Variants in NCOR2 observed in about 807,000 individuals in gnomAD.
NCOR2 encodes CTG repeat protein 26.
NCOR2 carries 81 observed loss-of-function variants against 262.9 expected under a neutral mutation model. The ratio of observed to expected loss-of-function variants is 0.31; its 90% CI spans 0.26 to 0.37. NCOR2 has a LOEUF of 0.37. NCOR2 is among the 10% of genes least tolerant of loss of function. The probability of loss-of-function intolerance (pLI) is 1.00; values close to 1 mark genes in which losing one functional copy is unlikely to be tolerated. For missense variants in NCOR2, 3,385 were observed against 3,621.4 expected (o/e 0.93, Z 1.68); for synonymous variants, 1,659 against 1,559.3 (o/e 1.06, Z -1.51).
intron 28 of NCOR2, 193 bp from the exon 31 acceptor site, chr12:124,348,507 AG>A (rs1385606380): frequency 1.4e-6 from 1 of 695,978 alleles, no homozygotes; most frequent in Admixed American, 3.5e-5. Context: ...AGCAGGACCC[AG>A]GAGCTTTTCC....
At chr12:124,428,086 T>TGTGTGTGTGTGTGTGTGTGTGTGTGCGC (rs958627720) in intron 10 of NCOR2, among the ~76,000 whole-genome samples, 31 of 147,166 alleles carry the variant, frequency 2.1e-4, no homozygotes, top group Non-Finnish European at 3.5e-4. Context: ...TGTGTGTGTG[T>TGTGTGTGTGTGTGTGTGTGTGTGTGCGC]GTACATGCAA....
chr12:124,392,289 C>T (rs2041360554), intron 16 of NCOR2, among the ~76,000 whole-genome samples: 1 of 152,152 alleles, frequency 6.6e-6, no homozygotes, highest in African/African-American at 2.4e-5. Context: ...TCTGGCTGTA[C>T]CCCAAGTTCC....
chr12:124,414,331 T>C (rs972595341), intron 13 of NCOR2, among the ~76,000 whole-genome samples: 7 of 152,156 alleles, frequency 4.6e-5, no homozygotes, highest in African/African-American at 1.4e-4. Context: ...ACTAGTGAGG[T>C]TGAAATCATC....
chr12:124,424,701 C>G (rs2043432041), intron 11 of NCOR2, among the ~76,000 whole-genome samples: 1 of 152,216 alleles, frequency 6.6e-6, no homozygotes, highest in African/African-American at 2.4e-5. Context: ...TGCCTGGCAC[C>G]TCTTTGGGGC....
chr12:124,486,358 C>T (rs2047766920), intron 2 of NCOR2, 83 bp downstream of exon 4: 2 of 1,567,770 alleles, frequency 1.3e-6, no homozygotes, highest in East Asian at 4.7e-5. Context: ...CCTGTGTGCT[C>T]CTGCTCTGCC....
At chr12:124,369,437 T>C (rs2039303809) in intron 20 of NCOR2, among the ~76,000 whole-genome samples, 2 of 151,914 alleles carry the variant, frequency 1.3e-5, no homozygotes, top group Non-Finnish European at 2.9e-5. Flanking sequence ...GGGATGATAC[T>C]GGGCGGGCAG....
chr12:124,330,520 C>T (rs1174628240), intron 44 of NCOR2, among the ~76,000 whole-genome samples: 4 of 152,252 alleles, frequency 2.6e-5, no homozygotes, highest in Admixed American at 6.5e-5. Flanking sequence ...CACCCCTCGT[C>T]CAGACATGTG....
intron 13 of NCOR2, among the ~76,000 whole-genome samples, chr12:124,419,334 C>T (rs1476249206): frequency 6.6e-6 from 1 of 152,168 alleles, no homozygotes. Context: ...AAGGACGCTG[C>T]CATGGTAATA....
At chr12:124,352,144 G>A (rs1235569341) in intron 27 of NCOR2, among the ~76,000 whole-genome samples, 2 of 152,202 alleles carry the variant, frequency 1.3e-5, no homozygotes, top group South Asian at 2.1e-4. Flanking sequence ...TGAGTCAGGT[G>A]ACAGCTCGGG....
chr12:124,351,211 C>T (rs1296670943), intron 27 of NCOR2, among the ~76,000 whole-genome samples: 4 of 152,160 alleles, frequency 2.6e-5, no homozygotes, highest in African/African-American at 9.7e-5. Flanking sequence ...CGGTAACTGG[C>T]GGGGACGCTG....
rs560364537 is a variant in NCOR2 at position 124,336,705 on chromosome 12, G to C, written c.6115+48C>G. 3 of 1,599,148 alleles carry C rather than the reference G, an allele frequency of 1.9e-6. No homozygotes were observed. The Admixed American group carries it at 5.2e-5, about 28-fold the overall frequency. On this transcript the variant is annotated intron_variant, in intron 38 of 46. Transcript: ENST00000405201. Reference sequence around the variant, plus strand: ...GCCCCTTTATCGTGAGCAATTTGACGCATGATAATCGCGTCTATGAAGGTG... The same window carrying C: ...GCCCCTTTATCGTGAGCAATTTGACCCATGATAATCGCGTCTATGAAGGTG...
intron 10 of NCOR2, among the ~76,000 whole-genome samples, chr12:124,428,254 C>A (rs1454106946): frequency 6.6e-6 from 1 of 152,238 alleles, no homozygotes; most frequent in Non-Finnish European, 1.5e-5. Context: ...TGACACGGCC[C>A]AGCTCCGGCG....
chr12:124,365,181 C>T (rs905078322), intron 20 of NCOR2, among the ~76,000 whole-genome samples: 16 of 152,294 alleles, frequency 1.1e-4, no homozygotes, highest in Non-Finnish European at 1.9e-4. Flanking sequence ...ACATGGCAGG[C>T]GTGAGGGCAG....
chr12:124,426,768 C>G (rs758167365), exon 11 of NCOR2: 11 of 1,589,516 alleles, frequency 6.9e-6, no homozygotes, highest in Non-Finnish European at 9.5e-6. Flanking sequence ...TGGGCGGGAT[C>G]ACGGCCAGCT....
In NCOR2 at chr12:124,346,861, G is replaced by A. The variant is rs74653335; in HGVS notation, c.4073-11C>T. 1.7e-3 allele frequency: 2,591 copies of A among 1,552,800 alleles called. 46 individuals are homozygous for A. The African/African-American group carries it at 0.031, about 19-fold the overall frequency. ...AGGACCGAGGGATCCCTGCCGGGCCGACAGCACTGACCCTCACGCCCCGCC... is the reference window on the plus strand; with the variant it reads ...AGGACCGAGGGATCCCTGCCGGGCCAACAGCACTGACCCTCACGCCCCGCC... On this transcript the variant is annotated splice_polypyrimidine_tract_variant and intron_variant, in intron 30 of 46. Transcript: ENST00000405201.
chr12:124,456,987 G>A (rs942804474), intron 6 of NCOR2, 119 bp downstream of exon 8: 54 of 739,632 alleles, frequency 7.3e-5, no homozygotes, highest in South Asian at 3.1e-4. Context: ...CGCGGACGCC[G>A]CCTGGGCAGC....
rs552781708 is a variant in NCOR2, at chr12:124,521,124, A to G, written c.-118+14441T>C. On this transcript the variant is annotated intron_variant, in intron 1 of 46. Transcript: ENST00000404621. ...GGGGCCCAGGGGGGAGGTGGGGGCC[A>G]GAACTCTGAGGACCAGATCCAGACC... is the stretch of plus-strand genomic sequence containing the variant. Among the ~76,000 whole-genome samples, 46 of 152,334 alleles carry G rather than the reference A, an allele frequency of 3.0e-4. 1 individual carries two copies. Among genetic ancestry groups the G allele is most frequent in the African/African-American group, 1.1e-3 (44 of 41,578 alleles).
chr12:124,459,487 G>C (rs2046051402), intron 5 of NCOR2, among the ~76,000 whole-genome samples: 1 of 152,056 alleles, frequency 6.6e-6, no homozygotes, highest in South Asian at 2.1e-4. Flanking sequence ...AAGATGGGCT[G>C]GCCTTTCTCA....
intron 6 of NCOR2, among the ~76,000 whole-genome samples, chr12:124,455,603 G>A (rs1204813826): frequency 6.6e-6 from 1 of 152,236 alleles, no homozygotes; most frequent in African/African-American, 2.4e-5. Flanking sequence ...CTGCAAAACT[G>A]AGCAGCCTGC....
Sources: allele counts gnomAD v4.1 joint callset (sites outside exome capture counted in the v4.1 genomes callset), GRCh38; gene constraint gnomAD v4.1.1; transcripts MANE v1.5; gene names NCBI Gene and HGNC (gene_info 2026-07-23, HGNC 2026-07-21).